Variants in ZNF684 observed in about 807,000 individuals in gnomAD.
ZNF684 encodes the protein hypothetical protein MGC27466.
ZNF684 carries 13 observed loss-of-function variants against 12.8 expected under a neutral mutation model. That is an observed-to-expected ratio of 1.02 (90% confidence interval 0.66 to 1.62). The LOEUF is 1.62. Among genes scored for constraint, ZNF684 ranks in the 40% most tolerant of loss-of-function variants. The pLI, the probability that ZNF684 is intolerant of heterozygous loss-of-function variation, is 0.00. For missense variants in ZNF684, 384 were observed against 446.9 expected (o/e 0.86, Z 1.27); for synonymous variants, 118 against 151.8 (o/e 0.78, Z 1.64).
chr1:40,540,081 G>C (rs1646006399), intron 2 of ZNF684, among the ~76,000 whole-genome samples: 2 of 152,048 alleles, frequency 1.3e-5, no homozygotes, highest in African/African-American at 4.8e-5. Context: ...TCTTGGCAGT[G>C]TCCTATGGAG....
At chr1:40,541,777 A>G (rs1646017995) in intron 4 of ZNF684, 67 bp downstream of exon 4, 2 of 1,311,908 alleles carry the variant, frequency 1.5e-6, no homozygotes, top group Admixed American at 3.8e-5. Context: ...GAGGGACAGG[A>G]AGTTCTGAAA....
In ZNF684 at chr1:40,547,041, G is replaced by GAGA; in HGVS notation, c.721_723dup (p.Lys241dup). 1 of 1,614,216 alleles carries GAGA rather than the reference G, an allele frequency of 6.2e-7. No homozygotes were observed. Among genetic ancestry groups the GAGA allele is most frequent in the Non-Finnish European group, 8.5e-7 (1 of 1,180,036 alleles). ...GGTCCACCAGAGACTTCACACTGGA[G>GAGA]AGAAGCCTTATGAGTGCAGTCAATG... On this transcript the variant is annotated inframe_insertion, in exon 5 of 5. Transcript: ENST00000372699.
intron 4 of ZNF684, among the ~76,000 whole-genome samples, chr1:40,545,557 A>G (rs1381223267): frequency 6.6e-6 from 1 of 152,214 alleles, no homozygotes; most frequent in East Asian, 1.9e-4. Flanking sequence ...ATCCCAAGCT[A>G]AGGATGACTT....
Position 40,547,203 on chromosome 1 carries a change from A to G in ZNF684, c.880A>G (p.Thr294Ala), listed in dbSNP as rs574550304. ...SSLYKHSRFHTGEKPYQCIIC... is the reference protein window; with the variant it reads ...SSLYKHSRFHAGEKPYQCIIC... ...CCTTTATAAACATTCCAGATTTCAT[A>G]CAGGAGAGAAACCCTACCAGTGTAT... Residue 294 changes from threonine (T) to alanine (A), a missense_variant, in exon 5 of 5, where the codon ACA becomes GCA. By Grantham distance (58) the Thr-to-Ala change is moderately conservative (BLOSUM62 0). Transcript: ENST00000372699. 1.2e-6 allele frequency: 2 copies of G among 1,614,244 alleles called. No homozygotes were observed. The highest frequency in any genetic ancestry group is 1.3e-5 in the African/African-American group (1 of 75,072).
chr1:40,537,362 T>C (rs1406821120), intron 2 of ZNF684, among the ~76,000 whole-genome samples: 1 of 152,178 alleles, frequency 6.6e-6, no homozygotes, highest in Non-Finnish European at 1.5e-5. Context: ...ATTTTATAAG[T>C]GAACAAATAA....
chr1:40,540,022 A>G (rs1419393701), intron 2 of ZNF684, among the ~76,000 whole-genome samples: 1 of 152,146 alleles, frequency 6.6e-6, no homozygotes, highest in Non-Finnish European at 1.5e-5. Context: ...CTTATCAGAT[A>G]TATGATTTGC....
At chr1:40,536,442 A>G (rs1028213553) in intron 2 of ZNF684, among the ~76,000 whole-genome samples, 2 of 151,724 alleles carry the variant, frequency 1.3e-5, no homozygotes, top group Admixed American at 6.6e-5. Context: ...ATCATGTAAA[A>G]GTATCCATGT....
intron 2 of ZNF684, 131 bp from the exon 3 acceptor site, chr1:40,540,455 A>G (rs1646008049): frequency 2.1e-6 from 2 of 966,922 alleles, no homozygotes; most frequent in South Asian, 4.4e-5. Flanking sequence ...CGAATCAAGC[A>G]TGTAATCATT....
At chr1:40,542,739 A>G (rs1646023245) in intron 4 of ZNF684, among the ~76,000 whole-genome samples, 1 of 152,208 alleles carries the variant, frequency 6.6e-6, no homozygotes, top group Non-Finnish European at 1.5e-5. Context: ...ATAATAATGA[A>G]TGGCCCCCTG....
chr1:40,545,076 G>A (rs1646039158), intron 4 of ZNF684: 1 of 152,174 alleles, frequency 6.6e-6, no homozygotes, highest in Admixed American at 6.5e-5. Flanking sequence ...TTTTTCAGTG[G>A]ATTATTGTTG....
intron 4 of ZNF684, 128 bp downstream of exon 4, chr1:40,541,838 C>A: frequency 1.5e-6 from 1 of 682,444 alleles, no homozygotes; most frequent in Non-Finnish European, 2.5e-6. Flanking sequence ...ATAACATCAT[C>A]AGCCAGCTCC....
intron 4 of ZNF684, among the ~76,000 whole-genome samples, chr1:40,545,909 CCTTTT>C (rs1646043989): frequency 5.8e-4 from 64 of 109,858 alleles, no homozygotes; most frequent in African/African-American, 2.4e-3. Context: ...GCCTTTGTCT[CCTTTT>C]CTTTTTTTTT....
At position 40,547,455 on chromosome 1, in the gene ZNF684, A is replaced by G. The variant is rs1646055837; in HGVS notation, c.1132A>G (p.Thr378Ala). 1 of 1,598,546 alleles carries G rather than the reference A, an allele frequency of 6.3e-7. No individual in the cohort carries two copies. The highest frequency in any genetic ancestry group is 1.3e-5 in the African/African-American group (1 of 74,338). The change falls in exon 5 of 5, where the codon ACA becomes GCA. Residue 378 changes from threonine to alanine, a missense_variant. Coordinates refer to ENST00000372699, the MANE Select transcript of ZNF684 (RefSeq NM_152373.4). ...SNLIVHQKIHT is the reference protein window; with the variant it reads ...SNLIVHQKIHA ...TCTTATTGTACATCAGAAAATTCAT[A>G]CATAATATTCACTTTATGAATATGA...
intron 4 of ZNF684, among the ~76,000 whole-genome samples, chr1:40,543,863 G>A (rs1436181279): frequency 6.6e-6 from 1 of 151,940 alleles, no homozygotes; most frequent in Non-Finnish European, 1.5e-5. Context: ...TGTAACTCCA[G>A]TCTAAATTAA....
In ZNF684 at chr1:40,533,193, A is replaced by T. The variant is rs1411729793; in HGVS notation, c.15+12A>T. The T allele has an allele frequency of 1.2e-6, 2 of 1,613,058 alleles. No homozygotes were observed. Among genetic ancestry groups the T allele is most frequent in the East Asian group, 2.2e-5 (1 of 44,872 alleles). On this transcript the variant is annotated intron_variant, in intron 2 of 4. Transcript: ENST00000372699. Reference sequence around the variant, plus strand: ...TGATCAGCTTCCAGGTAAGGTATCCATCTATTCATCCAGTTGTTTAAATCT... The same window carrying T: ...TGATCAGCTTCCAGGTAAGGTATCCTTCTATTCATCCAGTTGTTTAAATCT...
At chr1:40,543,522 T>C (rs1255442452) in intron 4 of ZNF684, among the ~76,000 whole-genome samples, 3 of 151,514 alleles carry the variant, frequency 2.0e-5, no homozygotes, top group African/African-American at 7.3e-5. Flanking sequence ...AGTTGCGAGA[T>C]CTGGGCTCAC....
chr1:40,532,353 A>T (rs1408790697), intron 1 of ZNF684, among the ~76,000 whole-genome samples: 1 of 133,564 alleles, frequency 7.5e-6, no homozygotes, highest in Non-Finnish European at 1.5e-5. Context: ...ATTTTCTCCA[A>T]ATTTCTTTTT....
intron 1 of ZNF684, among the ~76,000 whole-genome samples, chr1:40,532,851 G>A (rs546100769): frequency 6.6e-6 from 1 of 152,048 alleles, no homozygotes; most frequent in African/African-American, 2.4e-5. Flanking sequence ...AAATTTCTGG[G>A]AGGAAAAAAA....
intron 4 of ZNF684, among the ~76,000 whole-genome samples, chr1:40,545,313 CT>C (rs1570114550): frequency 1.3e-5 from 2 of 152,210 alleles, no homozygotes; most frequent in African/African-American, 4.8e-5. Flanking sequence ...TTATGACCCC[CT>C]CTCCCCAATT....
Sources: gnomAD v4.1 joint callset for allele counts (sites outside exome capture counted in the v4.1 genomes callset) on GRCh38, gnomAD v4.1.1 for gene constraint, MANE v1.5 for transcripts, NCBI Gene and HGNC (gene_info 2026-07-23, HGNC 2026-07-21) for gene names.